Variants in GNG4 observed in about 807,000 individuals in gnomAD.
GNG4 encodes the protein guanine nucleotide-binding protein G(I)/G(S)/G(O) subunit gamma-4.
A neutral mutation model predicts 5.8 loss-of-function variants in GNG4; 4 were observed. That is an observed-to-expected ratio of 0.69 (90% CI 0.34 to 1.57). The LOEUF is 1.57. GNG4 is among the 40% of genes most tolerant of loss of function. The pLI, the probability that GNG4 is intolerant of heterozygous loss-of-function variation, is 0.06. For missense variants in GNG4, 96 were observed against 95.1 expected, an observed-to-expected ratio of 1.01 and a Z score of -0.04; for synonymous variants, 29 against 32.9, an observed-to-expected ratio of 0.88 and a Z score of 0.41.
At chr1:235,555,310 A>G (rs929755280) in intron 3 of GNG4, among the ~76,000 whole-genome samples, 5 of 152,198 alleles carry the variant, frequency 3.3e-5, no homozygotes, top group Non-Finnish European at 5.9e-5. Flanking sequence ...TGGCACACTC[A>G]GAATAGATCA....
At chr1:235,614,093 G>C (rs571244207) in intron 1 of GNG4, among the ~76,000 whole-genome samples, 7 of 152,336 alleles carry the variant, frequency 4.6e-5, no homozygotes, top group Non-Finnish European at 1.0e-4. Flanking sequence ...AATTACAGGC[G>C]TGAGCCGCTG....
intron 1 of GNG4, among the ~76,000 whole-genome samples, chr1:235,647,333 G>A (rs1657535986): frequency 6.6e-6 from 1 of 151,958 alleles, no homozygotes; most frequent in Non-Finnish European, 1.5e-5. Flanking sequence ...ATATTTTAAA[G>A]TTACTACTTC....
intron 1 of GNG4, among the ~76,000 whole-genome samples, chr1:235,603,811 G>A (rs1484787359): frequency 6.6e-6 from 1 of 152,078 alleles, no homozygotes; most frequent in Non-Finnish European, 1.5e-5. Context: ...ACGACGCTGG[G>A]GCCTGCTGGT....
intron 1 of GNG4, among the ~76,000 whole-genome samples, chr1:235,638,750 G>A (rs1657213196): frequency 6.6e-6 from 1 of 152,112 alleles, no homozygotes; most frequent in African/African-American, 2.4e-5. Flanking sequence ...GTGAGAACAT[G>A]CGATGTTTGG....
chr1:235,574,490 A>T (rs373038726), intron 3 of GNG4, among the ~76,000 whole-genome samples: 1 of 152,182 alleles, frequency 6.6e-6, no homozygotes, highest in East Asian at 1.9e-4. Flanking sequence ...TCTCACTTCA[A>T]CCCACCAGAT....
At chr1:235,580,740 TTTTTTG>T (rs1687610719) in intron 3 of GNG4, among the ~76,000 whole-genome samples, 1 of 28,640 alleles carries the variant, frequency 3.5e-5, no homozygotes, top group Non-Finnish European at 6.4e-5. Context: ...GCCTATCCCG[TTTTTTG>T]TTTTTTTTTT....
At chr1:235,616,275 G>T in intron 1 of GNG4, 1 of 469,870 alleles carries the variant, frequency 2.1e-6, no homozygotes. Context: ...AATGAGGTCT[G>T]CCAAGAGGAT....
chr1:235,564,103 T>C (rs1687133664), intron 3 of GNG4, among the ~76,000 whole-genome samples: 1 of 152,200 alleles, frequency 6.6e-6, no homozygotes, highest in Non-Finnish European at 1.5e-5. Context: ...TGAATGAAAT[T>C]GTGTCCTTTG....
chr1:235,636,453 A>G (rs1201082417), intron 1 of GNG4, among the ~76,000 whole-genome samples: 1 of 152,132 alleles, frequency 6.6e-6, no homozygotes, highest in Non-Finnish European at 1.5e-5. Flanking sequence ...AGCAGCTGGC[A>G]CTGAGCAGCA....
At chr1:235,600,727 G>T (rs187655002) in intron 1 of GNG4, among the ~76,000 whole-genome samples, 1 of 152,216 alleles carries the variant, frequency 6.6e-6, no homozygotes, top group Non-Finnish European at 1.5e-5. Context: ...CTGGCTGAAA[G>T]CTGCTTTTTA....
intron 3 of GNG4, among the ~76,000 whole-genome samples, chr1:235,559,891 TA>T (rs906175739): frequency 3.3e-5 from 5 of 152,286 alleles, no homozygotes; most frequent in African/African-American, 1.2e-4. Flanking sequence ...CAAATTAACT[TA>T]AGTAAGAGTT....
At chr1:235,645,309 T>C (rs968894317) in intron 1 of GNG4, among the ~76,000 whole-genome samples, 1 of 152,200 alleles carries the variant, frequency 6.6e-6, no homozygotes. Context: ...CAACAGCCTC[T>C]TGCTCTTTTC....
chr1:235,554,614 C>T (rs1472862904), intron 3 of GNG4, among the ~76,000 whole-genome samples: 3 of 152,058 alleles, frequency 2.0e-5, no homozygotes, highest in Admixed American at 6.6e-5. Flanking sequence ...GAGGCCAAGG[C>T]GGGTGGATCG....
intron 1 of GNG4, among the ~76,000 whole-genome samples, chr1:235,633,787 C>T (rs1688978816): frequency 6.6e-6 from 1 of 152,204 alleles, no homozygotes; most frequent in African/African-American, 2.4e-5. Context: ...CTGTGCTCAG[C>T]CTATTTCTCC....
At chr1:235,623,074 T>A (rs2102977787) in intron 1 of GNG4, among the ~76,000 whole-genome samples, 1 of 151,744 alleles carries the variant, frequency 6.6e-6, no homozygotes, top group African/African-American at 2.4e-5. Context: ...ATGATCCACT[T>A]CTCACACTCT....
intron 2 of GNG4, among the ~76,000 whole-genome samples, chr1:235,593,369 A>C (rs564533694): frequency 3.1e-4 from 47 of 152,310 alleles, no homozygotes; most frequent in Non-Finnish European, 6.3e-4. Flanking sequence ...GACCTGACTC[A>C]CGGCACAGTA....
In GNG4 at chr1:235,602,934, C is replaced by T. The variant is rs116973931; in HGVS notation, c.-122-7423G>A. On this transcript the variant is annotated intron_variant, in intron 1 of 3. Coordinates refer to ENST00000391854, the MANE Select transcript of GNG4 (RefSeq NM_001098722.2). ...TTCCCTCAAGAATAGAGGTCACGTT[C>T]GCTTCCACACAGGGATCTAAAAGGG... Among the ~76,000 whole-genome samples, 284 of 152,198 alleles carry T rather than the reference C, an allele frequency of 1.9e-3. 4 individuals are homozygous for T. The East Asian group carries it at 0.042, about 23-fold the overall frequency.
chr1:235,607,691 C>T (rs532562309), intron 1 of GNG4, among the ~76,000 whole-genome samples: 41 of 152,322 alleles, frequency 2.7e-4, no homozygotes, highest in African/African-American at 9.4e-4. Flanking sequence ...CATGCCATCC[C>T]ATCGGCACGG....
intron 1 of GNG4, among the ~76,000 whole-genome samples, chr1:235,647,321 T>C (rs549571040): frequency 6.6e-6 from 1 of 152,204 alleles, no homozygotes; most frequent in South Asian, 2.1e-4. Flanking sequence ...AAAAATCAGG[T>C]AATATTTTAA....
Sources: allele counts gnomAD v4.1 joint callset (sites outside exome capture counted in the v4.1 genomes callset), GRCh38; gene constraint gnomAD v4.1.1; transcripts MANE v1.5; gene names NCBI Gene and HGNC (gene_info 2026-07-23, HGNC 2026-07-21).